The following HDAC4 variants were observed in gnomAD, a reference collection of about 807,000 sequenced individuals.
HDAC4 encodes the protein histone deacetylase 4.
Under a neutral mutation model 135.1 loss-of-function variants are expected in HDAC4, and 16 were observed. That is an observed-to-expected ratio of 0.12 (90% CI 0.08 to 0.18). The LOEUF is 0.18. HDAC4 is among the 10% of genes least tolerant of loss of function. The pLI is 1.00. For synonymous variants in HDAC4, 685 were observed against 653.4 expected (o/e 1.05, Z -0.74); for missense variants, 1,143 against 1,511.8 (o/e 0.76, Z 4.05).
At chr2:239,359,046 A>C (rs1259800633) in intron 1 of HDAC4, among the ~76,000 whole-genome samples, 5 of 152,176 alleles carry the variant, frequency 3.3e-5, no homozygotes, top group African/African-American at 9.7e-5. Flanking sequence ...TGGATATGTA[A>C]AAAGTACAAA....
chr2:239,086,388 C>T (rs2035954917), intron 19 of HDAC4, among the ~76,000 whole-genome samples: 1 of 149,776 alleles, frequency 6.7e-6, no homozygotes, highest in African/African-American at 2.5e-5. Flanking sequence ...CTCTAACACG[C>T]GGATCTGACT....
chr2:239,294,109 T>C (rs913698629), intron 2 of HDAC4, among the ~76,000 whole-genome samples: 1 of 152,126 alleles, frequency 6.6e-6, no homozygotes, highest in East Asian at 1.9e-4. Flanking sequence ...TTCTCACAGG[T>C]TGGGCAGAAA....
chr2:239,247,910 G>A (rs370120574), intron 2 of HDAC4, among the ~76,000 whole-genome samples: 5 of 152,150 alleles, frequency 3.3e-5, no homozygotes, highest in African/African-American at 1.2e-4. Context: ...TGAAAGCACC[G>A]CTCATTCTCT....
In HDAC4 at chr2:239,081,087, A is replaced by G. The variant is rs2035273033; in HGVS notation, c.2750+8T>C. ...ACTTCAGGTGTCATGTGAAGCCGGG[A>G]GGCTCACCTGAAGGCCGCCAAGTAC... On this transcript the variant is annotated splice_region_variant and intron_variant, in intron 22 of 26. Transcript: ENST00000543185. 18 of 1,603,062 alleles carry G rather than the reference A, an allele frequency of 1.1e-5. No individual in the cohort carries two copies. The highest frequency in any genetic ancestry group is 1.5e-5 in the Non-Finnish European group (17 of 1,170,618).
chr2:239,360,918 TG>T (rs1415102014), intron 1 of HDAC4, among the ~76,000 whole-genome samples: 3 of 152,108 alleles, frequency 2.0e-5, no homozygotes. Flanking sequence ...GTCTGGGAAA[TG>T]TAAGTTCTCC....
chr2:239,238,029 C>A (rs113803222), intron 2 of HDAC4, among the ~76,000 whole-genome samples: 31 of 152,144 alleles, frequency 2.0e-4, no homozygotes, highest in Non-Finnish European at 1.2e-4. Flanking sequence ...CAGACCTGAG[C>A]AATCGCCCCA....
chr2:239,073,196 G>A (rs1322020874), intron 22 of HDAC4, among the ~76,000 whole-genome samples: 1 of 152,212 alleles, frequency 6.6e-6, no homozygotes, highest in African/African-American at 2.4e-5. Context: ...GACCCTGGGT[G>A]GCTTCTGAGC....
intron 8 of HDAC4, among the ~76,000 whole-genome samples, chr2:239,140,067 C>T (rs928258016): frequency 6.6e-6 from 1 of 152,214 alleles, no homozygotes; most frequent in Admixed American, 6.5e-5. Flanking sequence ...ATTTTAAACA[C>T]CAAAAAGATA....
At chr2:239,397,948 C>T (rs112339248) in intron 1 of HDAC4, among the ~76,000 whole-genome samples, 8 of 152,346 alleles carry the variant, frequency 5.3e-5, no homozygotes, top group African/African-American at 1.9e-4. Context: ...CCCTCCAAAT[C>T]CATCCTTTCC....
Position 239,164,354 on chromosome 2 carries a change from G to C in HDAC4, c.491-431C>G, listed in dbSNP as rs777961057. ...AGGGACAAAGCCAGTCTCACAGGCA[G>C]GCGTGCTTCCTTCTACACCTGCGCC... On this transcript the variant is annotated intron_variant, in intron 5 of 26. Transcript: ENST00000543185. Among the ~76,000 whole-genome samples the C allele has an allele frequency of 3.5e-4, 53 of 152,346 alleles. 1 individual carries two copies. The highest frequency in any genetic ancestry group is 6.5e-4 in the Non-Finnish European group (44 of 68,038).
intron 23 of HDAC4, among the ~76,000 whole-genome samples, chr2:239,067,569 T>C (rs1165906265): frequency 3.9e-5 from 6 of 152,238 alleles, no homozygotes; most frequent in Non-Finnish European, 8.8e-5. Flanking sequence ...GAGGATGTGG[T>C]GGCCGCGGTG....
At chr2:239,323,772 C>T (rs368568297) in intron 2 of HDAC4, among the ~76,000 whole-genome samples, 5 of 152,032 alleles carry the variant, frequency 3.3e-5, no homozygotes, top group Admixed American at 6.6e-5. Flanking sequence ...CACGGGGCCC[C>T]GGGGCAGCCA....
intron 2 of HDAC4, among the ~76,000 whole-genome samples, chr2:239,327,078 G>C (rs1431576850): frequency 3.3e-5 from 5 of 152,246 alleles, no homozygotes; most frequent in Admixed American, 3.3e-4. Context: ...TTCACCAACT[G>C]CCTTCGCTGA....
intron 22 of HDAC4, among the ~76,000 whole-genome samples, chr2:239,073,855 ACCCAGGG>A (rs1349624340): frequency 6.6e-6 from 1 of 152,160 alleles, no homozygotes; most frequent in Non-Finnish European, 1.5e-5. Flanking sequence ...CTCTTGCTGG[ACCCAGGG>A]CCCTGCCCTG....
intron 2 of HDAC4, among the ~76,000 whole-genome samples, chr2:239,305,698 C>T (rs924754161): frequency 6.6e-6 from 1 of 152,138 alleles, no homozygotes; most frequent in Non-Finnish European, 1.5e-5. Flanking sequence ...GGTGACGGTG[C>T]GGCTTAGTTT....
At chr2:239,276,780 C>A (rs527349046) in intron 2 of HDAC4, among the ~76,000 whole-genome samples, 205 of 152,342 alleles carry the variant, frequency 1.3e-3, no homozygotes, top group African/African-American at 4.9e-3. Flanking sequence ...CAGAGCCAGG[C>A]GAGGCAAGAC....
chr2:239,094,491 C>A lies in HDAC4; in HGVS notation c.2280+519G>T, dbSNP rs527824933. Reference sequence around the variant, plus strand: ...TCAGTTCGTAGAAGCTGGCACAGACCAGTGATTCATATGCCCAGGCCAGGT... The same window carrying A: ...TCAGTTCGTAGAAGCTGGCACAGACAAGTGATTCATATGCCCAGGCCAGGT... On this transcript the variant is annotated intron_variant, in intron 17 of 26. Transcript: ENST00000543185. 26 of 1,011,776 alleles carry A rather than the reference C, an allele frequency of 2.6e-5. No individual in the cohort carries two copies. The African/African-American group carries it at 3.6e-4, about 14-fold the overall frequency. The allele number at this position is 1,011,776 out of a possible 1,614,324, so 62.7% of individuals were successfully genotyped here. A position where few individuals can be genotyped will look rare whatever the true frequency, so the allele number is the denominator to read the frequency against.
intron 2 of HDAC4, among the ~76,000 whole-genome samples, chr2:239,338,810 T>G (rs10174432): frequency 0.67 from 101,543 of 151,894 alleles, 34,304 homozygotes; most frequent in East Asian, 0.82. Context: ...CAACCACATT[T>G]CAAAAGCCAC....
At chr2:239,094,131 C>T (rs1022454780) in intron 17 of HDAC4, 35 of 985,338 alleles carry the variant, frequency 3.6e-5, no homozygotes, top group South Asian at 1.4e-4. Flanking sequence ...CACCGGCTCC[C>T]GTCCTCCCTG....
Sources: gnomAD v4.1 joint callset for allele counts (sites outside exome capture counted in the v4.1 genomes callset) on GRCh38, gnomAD v4.1.1 for gene constraint, MANE v1.5 for transcripts, NCBI Gene and HGNC (gene_info 2026-07-23, HGNC 2026-07-21) for gene names.